Variants in PTPRM observed in about 807,000 individuals in gnomAD.
PTPRM encodes receptor-type tyrosine-protein phosphatase mu.
A neutral mutation model predicts 186.7 loss-of-function variants in PTPRM; 47 were observed. That is an observed-to-expected ratio of 0.25 (90% CI 0.20 to 0.32). PTPRM has a LOEUF of 0.32. PTPRM is among the 10% of genes least tolerant of loss of function. The pLI, the probability that PTPRM is intolerant of heterozygous loss-of-function variation, is 1.00. For synonymous variants in PTPRM, 668 were observed against 674.9 expected (o/e 0.99, Z 0.16); for missense variants, 1,494 against 1,865.0 (o/e 0.80, Z 3.66).
chr18:8,312,285 G>A (rs2095274938), intron 20 of PTPRM, among the ~76,000 whole-genome samples: 1 of 152,134 alleles, frequency 6.6e-6, no homozygotes, highest in Admixed American at 6.5e-5. Context: ...CATGTCCAGT[G>A]CACCAGCTCA....
intron 2 of PTPRM, among the ~76,000 whole-genome samples, chr18:7,839,490 G>A (rs1009274220): frequency 2.0e-5 from 3 of 152,200 alleles, no homozygotes; most frequent in Middle Eastern, 3.2e-3. Context: ...TCATCTGGGA[G>A]CTAGAAGCTG....
intron 2 of PTPRM, among the ~76,000 whole-genome samples, chr18:7,879,525 G>A (rs1346253740): frequency 6.6e-6 from 1 of 152,096 alleles, no homozygotes; most frequent in Non-Finnish European, 1.5e-5. Flanking sequence ...GATGAATCCT[G>A]CCATGGCTAA....
chr18:7,746,949 G>T (rs977040246), intron 1 of PTPRM, among the ~76,000 whole-genome samples: 8 of 152,110 alleles, frequency 5.3e-5, no homozygotes, highest in African/African-American at 1.7e-4. Flanking sequence ...GGTAAAGCAG[G>T]TCTCTGCTAC....
At chr18:7,994,765 T>A (rs957004299) in intron 7 of PTPRM, among the ~76,000 whole-genome samples, 2 of 151,768 alleles carry the variant, frequency 1.3e-5, no homozygotes, top group African/African-American at 4.8e-5. Context: ...AATAAAAAAA[T>A]GGAAACAAAT....
At chr18:7,906,394 A>G (rs965581081) in intron 3 of PTPRM, 111 bp from the exon 4 acceptor site, 4 of 782,442 alleles carry the variant, frequency 5.1e-6, no homozygotes, top group Non-Finnish European at 6.5e-6. Context: ...ACGTACATGA[A>G]TGAATGAATT....
intron 23 of PTPRM, among the ~76,000 whole-genome samples, chr18:8,361,501 C>T (rs1232426619): frequency 1.4e-4 from 21 of 152,110 alleles, no homozygotes; most frequent in Admixed American, 1.4e-3. Context: ...ATTCTATTCT[C>T]CAGATAATAA....
At chr18:7,620,550 T>C (rs1226475255) in intron 1 of PTPRM, among the ~76,000 whole-genome samples, 2 of 152,142 alleles carry the variant, frequency 1.3e-5, no homozygotes, top group Non-Finnish European at 2.9e-5. Context: ...GGGAATCGGA[T>C]TCTAGACCTA....
intron 2 of PTPRM, among the ~76,000 whole-genome samples, chr18:7,871,296 T>C (rs2047971525): frequency 6.6e-6 from 1 of 152,210 alleles, no homozygotes; most frequent in Non-Finnish European, 1.5e-5. Context: ...ATGGTCACTA[T>C]TTGCATTTGT....
At chr18:7,849,034 C>G (rs974925867) in intron 2 of PTPRM, among the ~76,000 whole-genome samples, 2 of 151,802 alleles carry the variant, frequency 1.3e-5, no homozygotes, top group African/African-American at 4.8e-5. Flanking sequence ...TTTTCCTCTC[C>G]CCTGCCACAG....
intron 19 of PTPRM, among the ~76,000 whole-genome samples, chr18:8,282,534 C>CAT (rs2094914959): frequency 6.6e-6 from 1 of 151,992 alleles, no homozygotes; most frequent in African/African-American, 2.4e-5. Flanking sequence ...TGGTGGTGGC[C>CAT]GCCTGTAATC....
chr18:8,030,841 A>G (rs1224628915), intron 7 of PTPRM, among the ~76,000 whole-genome samples: 1 of 152,188 alleles, frequency 6.6e-6, no homozygotes, highest in Non-Finnish European at 1.5e-5. Context: ...TTCTTTATAT[A>G]TGTTTTATAT....
At chr18:7,867,784 G>A (rs575346249) in intron 2 of PTPRM, among the ~76,000 whole-genome samples, 84 of 152,326 alleles carry the variant, frequency 5.5e-4, no homozygotes, top group African/African-American at 2.0e-3. Flanking sequence ...ATATCCTGAA[G>A]AGTGTTTTCC....
At chr18:7,870,004 G>A (rs2047907163) in intron 2 of PTPRM, among the ~76,000 whole-genome samples, 1 of 152,172 alleles carries the variant, frequency 6.6e-6, no homozygotes, top group Admixed American at 6.5e-5. Flanking sequence ...GAAATGAAAA[G>A]TAAAACTGAA....
In PTPRM at chr18:7,797,436, G is replaced by A. The variant is rs569299178; in HGVS notation, c.196+23165G>A. 3.3e-5 allele frequency among the ~76,000 whole-genome samples: 5 copies of A among 152,302 alleles called. No individual in the cohort carries two copies. The East Asian group carries it at 9.6e-4, about 29-fold the overall frequency. ...AGCCTCTCTTCTCCTTAAGATTAGG[G>A]TGTTCCTCCACTCAGAGTAGCCTCA... On this transcript the variant is annotated intron_variant, in intron 2 of 32. Coordinates refer to ENST00000580170, the MANE Select transcript of PTPRM (RefSeq NM_001105244.2).
intron 31 of PTPRM, among the ~76,000 whole-genome samples, chr18:8,393,825 G>C (rs2095830846): frequency 6.6e-6 from 1 of 152,264 alleles, no homozygotes; most frequent in South Asian, 2.1e-4. Flanking sequence ...GTCTCGCTCT[G>C]TTGCCCAGGC....
At chr18:7,960,450 C>CATATATATATATATAT (rs71354579) in intron 7 of PTPRM, among the ~76,000 whole-genome samples, 29 of 120,564 alleles carry the variant, frequency 2.4e-4, no homozygotes, top group Non-Finnish European at 4.0e-4. Flanking sequence ...ATATAGGCAA[C>CATATATATATATATAT]ATATATATAT....
rs535131366 is a variant in PTPRM, at chr18:7,979,643, G to A, written c.1132+24229G>A. Among the ~76,000 whole-genome samples, 30 of 152,190 alleles carry A rather than the reference G, an allele frequency of 2.0e-4. No homozygotes were observed. The South Asian group carries it at 2.1e-3, about 11-fold the overall frequency. The stretch of plus-strand genomic sequence containing the variant: ...GAGTTTATTCTCAGGAAACGACATC[G>A]TTTTTAATATAATAGAAGAAATGAA... On this transcript the variant is annotated intron_variant, in intron 7 of 32. Transcript: ENST00000580170.
In PTPRM at chr18:8,334,046, A is replaced by G. The variant is rs765436793; in HGVS notation, c.2957-9377A>G. On this transcript the variant is annotated intron_variant, in intron 22 of 32. Transcript: ENST00000580170. ...AGTGCTGCTGTAACAAAGGCACTTC[A>G]TCTCCTAAGCCTGTTTCTTGGGCTG... Among the ~76,000 whole-genome samples, 87 of 152,216 alleles carry G rather than the reference A, an allele frequency of 5.7e-4. 2 individuals carry two copies. The highest frequency in any genetic ancestry group is 1.5e-4 in the Non-Finnish European group (10 of 68,038).
Position 7,684,156 on chromosome 18 carries a change from C to T in PTPRM, c.74-89993C>T, listed in dbSNP as rs142253688. ...ATTCTGTTTTTTCAGTTATGGTAGC[C>T]TGGTGTGGTGGTACATGCCTGTAGT... On this transcript the variant is annotated intron_variant, in intron 1 of 32. Transcript: ENST00000580170. Among the ~76,000 whole-genome samples the T allele has an allele frequency of 2.6e-3, 396 of 151,862 alleles. 2 individuals are homozygous for T. The highest frequency in any genetic ancestry group is 9.3e-3 in the African/African-American group (385 of 41,426).
Sources: allele counts gnomAD v4.1 joint callset (sites outside exome capture counted in the v4.1 genomes callset), GRCh38; gene constraint gnomAD v4.1.1; transcripts MANE v1.5; gene names NCBI Gene and HGNC (gene_info 2026-07-23, HGNC 2026-07-21).